The following IDO2 variants were observed in gnomAD, a reference collection of about 807,000 sequenced individuals.
IDO2 encodes the protein indoleamine 2,3-dioxygenase-like 1 protein.
In IDO2, 46 loss-of-function variants were observed where a neutral mutation model predicts 45.1. The ratio of observed to expected loss-of-function variants is 1.02; its 90% CI spans 0.80 to 1.30. The LOEUF is 1.30. Among genes scored for constraint, IDO2 ranks in the 50% most tolerant of loss-of-function variants. IDO2 has a pLI of 0.00. For missense variants in IDO2, 544 were observed against 491.8 expected (o/e 1.11, Z -1.00); for synonymous variants, 218 against 184.9 (o/e 1.18, Z -1.45).
chr8:39,940,583 T>G (rs1585392743), intron 1 of IDO2, among the ~76,000 whole-genome samples: 1 of 152,204 alleles, frequency 6.6e-6, no homozygotes, highest in Non-Finnish European at 1.5e-5. Context: ...GGGTTCCTGT[T>G]GGAAACATTC....
chr8:40,000,038 A>G (rs1162040142), intron 8 of IDO2, among the ~76,000 whole-genome samples: 1 of 152,220 alleles, frequency 6.6e-6, no homozygotes, highest in African/African-American at 2.4e-5. Flanking sequence ...ATTTCTTTAA[A>G]AATAATCAAA....
chr8:40,002,695 G>A (rs966359902), intron 8 of IDO2, among the ~76,000 whole-genome samples: 4 of 152,092 alleles, frequency 2.6e-5, no homozygotes, highest in South Asian at 2.1e-4. Flanking sequence ...CAGGAGAATC[G>A]CTTGAACCTG....
Position 39,949,266 on chromosome 8 carries a change from T to TA in IDO2, c.99+4dup. The stretch of plus-strand genomic sequence containing the variant: ...GGCTTTCTTCTTCCAGATTCTCTGG[T>TA]AAGGATAGAGCCTTGGTAAGGATAG... On this transcript the variant is annotated splice_region_variant and intron_variant, in intron 2 of 10. Coordinates refer to ENST00000502986, the Ensembl canonical transcript of IDO2. 1 of 1,580,978 alleles carries TA rather than the reference T, an allele frequency of 6.3e-7. No homozygotes were observed. Among genetic ancestry groups the TA allele is most frequent in the Admixed American group, 1.8e-5 (1 of 55,038 alleles).
intron 3 of IDO2, 33 bp from the exon 4 acceptor site, chr8:39,979,034 C>T (rs1808301770): frequency 1.3e-6 from 2 of 1,555,324 alleles, no homozygotes; most frequent in Admixed American, 3.9e-5. Flanking sequence ...GTTCCCATCC[C>T]TCCTCTGACG....
intron 1 of IDO2, among the ~76,000 whole-genome samples, chr8:39,948,278 G>A (rs3927941): frequency 0.38 from 58,306 of 152,102 alleles, 12,318 homozygotes; most frequent in Non-Finnish European, 0.49. Context: ...AGACTATGTT[G>A]CTCAAACTAC....
chr8:39,943,306 G>A (rs941266685), intron 1 of IDO2, among the ~76,000 whole-genome samples: 1 of 152,120 alleles, frequency 6.6e-6, no homozygotes, highest in East Asian at 1.9e-4. Context: ...AGGAGGTGGA[G>A]GTTGCAGTAA....
At chr8:39,989,903 G>T in intron 8 of IDO2, 65 bp downstream of exon 8, 5 of 1,064,488 alleles carry the variant, frequency 4.7e-6, no homozygotes, top group Non-Finnish European at 6.8e-6. Flanking sequence ...AGGGGAAGAG[G>T]GCCTGGGGAC....
chr8:39,948,297 C>A (rs1287533051), intron 1 of IDO2, among the ~76,000 whole-genome samples: 1 of 152,206 alleles, frequency 6.6e-6, no homozygotes. Flanking sequence ...ACATACAACA[C>A]CTTCTGAGCT....
intron 1 of IDO2, among the ~76,000 whole-genome samples, chr8:39,935,424 G>GGTTGTTGTT (rs72187471): frequency 4.6e-4 from 69 of 149,998 alleles, no homozygotes; most frequent in African/African-American, 5.4e-4. Flanking sequence ...TTACTTTTCT[G>GGTTGTTGTT]GTTGTTGTTG....
chr8:39,989,802 A>C, exon 8 of IDO2: 1 of 1,603,190 alleles, frequency 6.2e-7, no homozygotes, highest in Non-Finnish European at 8.5e-7. Flanking sequence ...GAGACTGTCT[A>C]TTCAGGACAT....
chr8:39,958,156 C>G (rs536807148), intron 2 of IDO2, among the ~76,000 whole-genome samples: 2 of 152,084 alleles, frequency 1.3e-5, no homozygotes, highest in Non-Finnish European at 2.9e-5. Flanking sequence ...CTGCCCGCAT[C>G]GGCCTCCTAG....
chr8:39,942,081 A>C (rs933027528), intron 1 of IDO2, among the ~76,000 whole-genome samples: 7 of 152,216 alleles, frequency 4.6e-5, no homozygotes, highest in African/African-American at 1.7e-4. Context: ...TGAGAGAATG[A>C]GAGCTTGTTT....
intron 8 of IDO2, among the ~76,000 whole-genome samples, chr8:39,993,065 A>T (rs1176936094): frequency 6.6e-6 from 1 of 152,016 alleles, no homozygotes; most frequent in African/African-American, 2.4e-5. Flanking sequence ...AACCATATCT[A>T]TGTCAGTCTG....
chr8:39,972,058 C>T (rs866033297), intron 3 of IDO2, among the ~76,000 whole-genome samples: 4 of 152,318 alleles, frequency 2.6e-5, no homozygotes, highest in Middle Eastern at 3.4e-3. Flanking sequence ...GATCCACCCA[C>T]CTTGGCCTCC....
At chr8:39,943,054 G>A (rs1807670912) in intron 1 of IDO2, among the ~76,000 whole-genome samples, 1 of 152,192 alleles carries the variant, frequency 6.6e-6, no homozygotes, top group Non-Finnish European at 1.5e-5. Context: ...GGGCTGAAGA[G>A]AATTGAGAAT....
chr8:39,943,892 A>G (rs980226795), intron 1 of IDO2, among the ~76,000 whole-genome samples: 1 of 152,172 alleles, frequency 6.6e-6, no homozygotes, highest in Admixed American at 6.6e-5. Flanking sequence ...CAGAGCAATC[A>G]AACAGGGGAA....
At chr8:39,991,241 G>A (rs1182479056) in intron 8 of IDO2, among the ~76,000 whole-genome samples, 1 of 152,112 alleles carries the variant, frequency 6.6e-6, no homozygotes, top group South Asian at 2.1e-4. Context: ...CTATTTCCTT[G>A]AATTTTAATT....
chr8:39,954,901 C>T (rs940233095), intron 2 of IDO2, among the ~76,000 whole-genome samples: 4 of 151,576 alleles, frequency 2.6e-5, no homozygotes, highest in Non-Finnish European at 2.9e-5. Context: ...AAGTGATCCG[C>T]GCACCTCGGC....
At chr8:39,995,021 C>T (rs1802012173) in intron 8 of IDO2, 1 of 152,174 alleles carries the variant, frequency 6.6e-6, no homozygotes. Flanking sequence ...CAGCCATTCA[C>T]TCACTCATGC....
Sources: allele counts gnomAD v4.1 joint callset (sites outside exome capture counted in the v4.1 genomes callset), GRCh38; gene constraint gnomAD v4.1.1; transcripts MANE v1.5; gene names NCBI Gene and HGNC (gene_info 2026-07-23, HGNC 2026-07-21).